KCNQ4: variants seen among roughly 807,000 people sequenced by gnomAD.
The protein encoded by KCNQ4 is potassium voltage-gated channel subfamily Q member 4.
Under a neutral mutation model 72.6 loss-of-function variants are expected in KCNQ4, and 31 were observed. The observed-to-expected ratio is 0.43, with a 90% confidence interval of 0.32 to 0.58. The LOEUF (loss-of-function observed/expected upper bound fraction) is 0.58. Among genes scored for constraint, KCNQ4 ranks in the 20% least tolerant of loss-of-function variants. KCNQ4 has a pLI of 0.08. For synonymous variants in KCNQ4, 405 were observed against 403.7 expected, an observed-to-expected ratio of 1.00 and a Z score of -0.04; for missense variants, 869 against 962.6, an observed-to-expected ratio of 0.90 and a Z score of 1.29.
At chr1:40,823,014 C>T (rs1444407663) in intron 8 of KCNQ4, among the ~76,000 whole-genome samples, 1 of 152,206 alleles carries the variant, frequency 6.6e-6, no homozygotes, top group African/African-American at 2.4e-5. Context: ...GCTAGGCCCT[C>T]AGGCAGGAAT....
chr1:40,824,135 G>A lies in KCNQ4; in HGVS notation c.1169G>A (p.Arg390His), dbSNP rs529372797. The A allele has an allele frequency of 9.6e-6, 15 of 1,562,732 alleles. No individual in the cohort carries two copies. The South Asian group carries it at 1.1e-4, about 11-fold the overall frequency. Residue 390 changes from arginine to histidine, a missense_variant, in exon 9 of 14, where the codon CGC (arginine) becomes CAC (histidine). Physicochemically the swap from Arg to His is conservative, Grantham distance 29. This residue lies in a region of KCNQ4 where 480 missense variants were observed against 501.9 expected (regional missense o/e 0.96). Coordinates refer to ENST00000347132, the MANE Select transcript of KCNQ4 (RefSeq NM_004700.4). ...ALLFEHVQRA[R>H]NGGLRPLEVR... ...TTGTTTGAGCACGTGCAACGGGCCC[G>A]CAATGGGGGCCTACGGCCCCTGGAG...
At position 40,794,745 on chromosome 1, in the gene KCNQ4, A is replaced by G. The variant is rs544934359; in HGVS notation, c.314+10338A>G. The stretch of plus-strand genomic sequence containing the variant: ...AAAAATGTCCTTGCTTGGCAAAATA[A>G]AAAGTTGACAACCTTATGCAGTCCC... On this transcript the variant is annotated intron_variant, in intron 1 of 13. Coordinates refer to ENST00000347132, the MANE Select transcript of KCNQ4 (RefSeq NM_004700.4). This position sits in a 1 kb window ranked among gnomAD's most constrained non-coding sequence, Gnocchi z 4.2. Among the ~76,000 whole-genome samples, 28 of 152,310 alleles carry G rather than the reference A, an allele frequency of 1.8e-4. 1 individual carries two copies. The highest frequency in any genetic ancestry group is 6.7e-4 in the African/African-American group (28 of 41,564).
At chr1:40,800,276 C>G (rs142781709) in intron 1 of KCNQ4, among the ~76,000 whole-genome samples, 2,395 of 152,160 alleles carry the variant, frequency 0.016, 219 homozygotes, top group Admixed American at 0.15. Context: ...ATCTGAGGAT[C>G]GGAGGGTAGC....
rs371301199 is a variant in KCNQ4, at chr1:40,831,254, G to A, written c.1463G>A (p.Arg488His). ...CAAAAGAGCTGGAGCTTCAATGACCGCACCCGCTTCCGGGCATCTCTGAGA... is the reference window on the plus strand; with the variant it reads ...CAAAAGAGCTGGAGCTTCAATGACCACACCCGCTTCCGGGCATCTCTGAGA... Reference protein sequence around the residue: ...KVQKSWSFNDRTRFRASLRLK... With the variant: ...KVQKSWSFNDHTRFRASLRLK... Residue 488 changes from arginine to histidine, a missense_variant, in exon 10 of 14, where the codon CGC becomes CAC. Arg to His is a conservative substitution (Grantham distance 29). Coordinates refer to ENST00000347132, the MANE Select transcript of KCNQ4 (RefSeq NM_004700.4). The A allele has an allele frequency of 8.8e-5, 141 of 1,608,284 alleles. No homozygotes were observed. The highest frequency in any genetic ancestry group is 6.8e-4 in the South Asian group (61 of 89,780).
At chr1:40,836,524 A>G (rs962661050) in intron 12 of KCNQ4, among the ~76,000 whole-genome samples, 1 of 152,094 alleles carries the variant, frequency 6.6e-6, no homozygotes, top group African/African-American at 2.4e-5. Flanking sequence ...AGTGTAGAGG[A>G]ATTGAAAATT....
chr1:40,785,558 T>C (rs905032729), intron 1 of KCNQ4, among the ~76,000 whole-genome samples: 1 of 152,124 alleles, frequency 6.6e-6, no homozygotes, highest in Non-Finnish European at 1.5e-5. Flanking sequence ...GTGTGCGAGT[T>C]GGCCAGTCTG....
At chr1:40,816,922 G>A (rs1331511706) in intron 1 of KCNQ4, among the ~76,000 whole-genome samples, 1 of 152,182 alleles carries the variant, frequency 6.6e-6, no homozygotes, top group Admixed American at 6.5e-5. Flanking sequence ...CCAAGCTGGG[G>A]CCAAGGCCAC....
intron 1 of KCNQ4, among the ~76,000 whole-genome samples, chr1:40,812,884 G>T (rs538597347): frequency 6.6e-6 from 1 of 152,332 alleles, no homozygotes; most frequent in South Asian, 2.1e-4. Context: ...TTTCAATAGT[G>T]CTGTGAAATC....
chr1:40,785,146 AGAG>A (rs1384827061), intron 1 of KCNQ4, among the ~76,000 whole-genome samples: 1 of 152,108 alleles, frequency 6.6e-6, no homozygotes, highest in Admixed American at 6.5e-5. Flanking sequence ...GGAAAAAGAA[AGAG>A]GAGAGGGGTA....
rs1358428125 is a variant in KCNQ4 at position 40,819,247 on chromosome 1, C to T, written c.709-100C>T. The T allele has an allele frequency of 3.5e-6, 5 of 1,434,356 alleles. No homozygotes were observed. In the Admixed American group the frequency reaches 7.0e-5, roughly 20 times the overall value. The allele number at this position is 1,434,356 out of a possible 1,614,324, so 88.9% of individuals were successfully genotyped here. ...AGAAAGAAAAGCGAGCCTGGGACTC[C>T]GGGAGATGGGGGACCTTTATCCCTT... is the stretch of plus-strand genomic sequence containing the variant. On this transcript the variant is annotated intron_variant, in intron 4 of 13. Coordinates refer to ENST00000347132, the MANE Select transcript of KCNQ4 (RefSeq NM_004700.4).
chr1:40,836,448 A>T (rs1271205990), intron 12 of KCNQ4, among the ~76,000 whole-genome samples: 3 of 151,964 alleles, frequency 2.0e-5, no homozygotes, highest in Non-Finnish European at 4.4e-5. Flanking sequence ...TTGATCTGGC[A>T]GTTGAATAGA....
At chr1:40,816,474 G>A (rs751831758) in intron 1 of KCNQ4, among the ~76,000 whole-genome samples, 4 of 152,194 alleles carry the variant, frequency 2.6e-5, no homozygotes, top group South Asian at 2.1e-4. Context: ...CACACTGGGC[G>A]ACAAAGGGTG....
Position 40,788,641 on chromosome 1 carries a change from C to T in KCNQ4, c.314+4234C>T, listed in dbSNP as rs1190121327. Among the ~76,000 whole-genome samples the T allele has an allele frequency of 6.6e-6, 1 of 152,200 alleles. No homozygotes were observed. Among genetic ancestry groups the T allele is most frequent in the Non-Finnish European group, 1.5e-5 (1 of 68,030 alleles). Reference sequence around the variant, plus strand: ...CGGGGGCTGACTGGGAGCTGTTGCGCTCAGCACCACAGCCTCAGCTAGCAG... The same window carrying T: ...CGGGGGCTGACTGGGAGCTGTTGCGTTCAGCACCACAGCCTCAGCTAGCAG... On this transcript the variant is annotated intron_variant, in intron 1 of 13. Transcript: ENST00000347132. This position sits in a 1 kb window ranked among gnomAD's most constrained non-coding sequence, Gnocchi z 4.5.
intron 9 of KCNQ4, among the ~76,000 whole-genome samples, chr1:40,825,870 C>A (rs1206142895): frequency 1.3e-5 from 2 of 152,150 alleles, no homozygotes; most frequent in Non-Finnish European, 2.9e-5. Context: ...CTCCCCACGG[C>A]TCCTTTGGTC....
At chr1:40,814,126 T>G (rs1228714649) in intron 1 of KCNQ4, among the ~76,000 whole-genome samples, 1 of 140,264 alleles carries the variant, frequency 7.1e-6, no homozygotes, top group Non-Finnish European at 1.5e-5. Flanking sequence ...CCATCTTGGC[T>G]CACTGCAACC....
chr1:40,785,046 C>T (rs1420429068), intron 1 of KCNQ4, among the ~76,000 whole-genome samples: 1 of 152,234 alleles, frequency 6.6e-6, no homozygotes, highest in African/African-American at 2.4e-5. Flanking sequence ...CAACGGCGGC[C>T]GCCCTGCCTG....
chr1:40,785,234 C>T (rs553426275), intron 1 of KCNQ4, among the ~76,000 whole-genome samples: 1 of 152,368 alleles, frequency 6.6e-6, no homozygotes, highest in Non-Finnish European at 1.5e-5. Flanking sequence ...AAAACACTGA[C>T]CCCTCTTGGG....
chr1:40,820,304 A>T, intron 7 of KCNQ4, 44 bp downstream of exon 7: 1 of 1,483,638 alleles, frequency 6.7e-7, no homozygotes, highest in Non-Finnish European at 9.2e-7. Context: ...GGGCCGTGTG[A>T]CTGCACTGGT....
intron 1 of KCNQ4, among the ~76,000 whole-genome samples, chr1:40,813,193 C>T (rs908564318): frequency 6.6e-6 from 1 of 152,094 alleles, no homozygotes; most frequent in Non-Finnish European, 1.5e-5. Flanking sequence ...TTGTCAGTGC[C>T]GAGGAGTTGG....
Sources: allele counts gnomAD v4.1 joint callset (sites outside exome capture counted in the v4.1 genomes callset), GRCh38; gene constraint gnomAD v4.1.1; regional missense constraint gnomAD v4.1.1; non-coding constraint Gnocchi (gnomAD v3.1); transcripts MANE v1.5; gene names NCBI Gene and HGNC (gene_info 2026-07-23, HGNC 2026-07-21).